NALF1: variants seen among roughly 807,000 people sequenced by gnomAD.
NALF1 encodes the protein family with sequence similarity 155 member A.
A neutral mutation model predicts 48.4 loss-of-function variants in NALF1; 3 were observed. That is an observed-to-expected ratio of 0.06 (90% CI 0.03 to 0.16). The LOEUF (loss-of-function observed/expected upper bound fraction) is 0.16. Ranked by LOEUF, NALF1 falls within the 10% of genes least tolerant of loss-of-function variation. The pLI, the probability that NALF1 is intolerant of heterozygous loss-of-function variation, is 1.00. For missense variants in NALF1, 526 were observed against 571.5 expected (o/e 0.92, Z 0.81); for synonymous variants, 262 against 245.7 (o/e 1.07, Z -0.62).
At chr13:107,437,819 T>C (rs1884487239) in intron 1 of NALF1, among the ~76,000 whole-genome samples, 2 of 152,136 alleles carry the variant, frequency 1.3e-5, no homozygotes, top group Non-Finnish European at 2.9e-5. Context: ...TAACTTAAGA[T>C]TTGTGCACCA....
At chr13:107,550,387 G>T (rs969158407) in intron 1 of NALF1, among the ~76,000 whole-genome samples, 3 of 151,962 alleles carry the variant, frequency 2.0e-5, no homozygotes, top group Admixed American at 1.3e-4. Flanking sequence ...AAATATAAAT[G>T]AACAACTGAG....
At chr13:107,514,038 C>T (rs1875978400) in intron 1 of NALF1, among the ~76,000 whole-genome samples, 1 of 152,162 alleles carries the variant, frequency 6.6e-6, no homozygotes, top group African/African-American at 2.4e-5. Flanking sequence ...TCTCTCTTCC[C>T]ACAAGCAGCC....
intron 1 of NALF1, among the ~76,000 whole-genome samples, chr13:107,498,646 G>C (rs2139075845): frequency 6.6e-6 from 1 of 152,236 alleles, no homozygotes; most frequent in East Asian, 1.9e-4. Flanking sequence ...GGAATTCCTG[G>C]CAAATGAGAC....
intron 1 of NALF1, among the ~76,000 whole-genome samples, chr13:107,361,239 G>A (rs1427654342): frequency 6.6e-6 from 1 of 152,134 alleles, no homozygotes; most frequent in East Asian, 1.9e-4. Flanking sequence ...GAGGAACTGA[G>A]GAAATGACTA....
chr13:107,296,661 G>A (rs1057186668), intron 1 of NALF1, among the ~76,000 whole-genome samples: 1 of 152,084 alleles, frequency 6.6e-6, no homozygotes, highest in African/African-American at 2.4e-5. Context: ...CTGACACTTA[G>A]ACTTCACTCG....
At position 107,866,899 on chromosome 13, in the gene NALF1, GGAGAGAGA is replaced by G. The variant is rs35939139; in HGVS notation, c.-311_-304del. Among the ~76,000 whole-genome samples the G allele has an allele frequency of 2.7e-5, 4 of 149,822 alleles. No individual in the cohort carries two copies. Among genetic ancestry groups the G allele is most frequent in the Admixed American group, 6.6e-5 (1 of 15,074 alleles). On this transcript the variant is annotated 5_prime_UTR_variant, in exon 1 of 3. Coordinates refer to ENST00000375915, the MANE Select transcript of NALF1 (RefSeq NM_001080396.3). This position sits in a 1 kb window ranked among gnomAD's most constrained non-coding sequence, Gnocchi z 4.4. ...CCTCTGTAGAGTGGGAAACAATAAT[GGAGAGAGA>G]GAGAGAGAGAGAGACGGAGGAGGCT...
At chr13:107,258,139 A>G (rs895632202) in intron 1 of NALF1, among the ~76,000 whole-genome samples, 3 of 152,214 alleles carry the variant, frequency 2.0e-5, no homozygotes, top group Non-Finnish European at 4.4e-5. Context: ...TAATGGCAAA[A>G]GACCGCAAAG....
intron 1 of NALF1, among the ~76,000 whole-genome samples, chr13:107,453,773 C>T (rs1255650707): frequency 3.3e-5 from 5 of 152,342 alleles, no homozygotes; most frequent in Admixed American, 6.5e-5. Context: ...TTCTGCTCCC[C>T]TGTTAAACAT....
chr13:107,733,000 T>C (rs757582747), intron 1 of NALF1, among the ~76,000 whole-genome samples: 1 of 152,162 alleles, frequency 6.6e-6, no homozygotes, highest in African/African-American at 2.4e-5. Flanking sequence ...GGTAAACATA[T>C]TGTGCTAATT....
intron 1 of NALF1, among the ~76,000 whole-genome samples, chr13:107,287,706 C>CTTTTTTTTTTTT: frequency 7.8e-6 from 1 of 127,906 alleles, no homozygotes; most frequent in Non-Finnish European, 1.6e-5. Flanking sequence ...TCTTTTCTTT[C>CTTTTTTTTTTTT]TTTTTTTTTT....
intron 1 of NALF1, among the ~76,000 whole-genome samples, chr13:107,580,667 T>C (rs1021678399): frequency 6.6e-6 from 1 of 152,244 alleles, no homozygotes; most frequent in East Asian, 1.9e-4. Flanking sequence ...CTTTATTTCT[T>C]GGGCCTGGCA....
intron 1 of NALF1, among the ~76,000 whole-genome samples, chr13:107,333,029 A>G (rs537307724): frequency 6.6e-6 from 1 of 152,100 alleles, no homozygotes; most frequent in East Asian, 1.9e-4. Flanking sequence ...TATTTTTAGT[A>G]GAGACGGGGT....
intron 1 of NALF1, among the ~76,000 whole-genome samples, chr13:107,388,553 C>A (rs1234574697): frequency 7.2e-5 from 11 of 152,140 alleles, no homozygotes; most frequent in African/African-American, 2.7e-4. Context: ...GACCTCAGTG[C>A]CACACAAGAC....
intron 1 of NALF1, among the ~76,000 whole-genome samples, chr13:107,521,393 C>G (rs746134866): frequency 1.3e-5 from 2 of 152,068 alleles, no homozygotes; most frequent in Non-Finnish European, 2.9e-5. Flanking sequence ...AATAGAAAAC[C>G]TATATAGTTT....
At chr13:107,479,108 A>C (rs941858883) in intron 1 of NALF1, among the ~76,000 whole-genome samples, 2 of 152,142 alleles carry the variant, frequency 1.3e-5, no homozygotes, top group East Asian at 1.9e-4. Flanking sequence ...CTTCCTTAGA[A>C]GATGCCCTTA....
intron 1 of NALF1, among the ~76,000 whole-genome samples, chr13:107,702,748 C>T (rs1594215515): frequency 6.6e-6 from 1 of 152,056 alleles, no homozygotes; most frequent in African/African-American, 2.4e-5. Context: ...CCCATGTGTC[C>T]CTGTGTTCTC....
chr13:107,657,268 TAGAGAG>T (rs1381042397), intron 1 of NALF1, among the ~76,000 whole-genome samples: 1 of 151,858 alleles, frequency 6.6e-6, no homozygotes, highest in African/African-American at 2.4e-5. Flanking sequence ...TGTGTGTATA[TAGAGAG>T]AGAGAGAGTG....
chr13:107,573,663 C>T (rs1321518877), intron 1 of NALF1, among the ~76,000 whole-genome samples: 1 of 150,482 alleles, frequency 6.6e-6, no homozygotes, highest in Non-Finnish European at 1.5e-5. Context: ...AATTGTAGCT[C>T]CCACGATTCC....
chr13:107,806,625 G>A (rs1235594255), intron 1 of NALF1, among the ~76,000 whole-genome samples: 2 of 152,164 alleles, frequency 1.3e-5, no homozygotes, highest in South Asian at 2.1e-4. Flanking sequence ...AAGTTGATGA[G>A]AAAAGTTGAA....
Sources: allele counts gnomAD v4.1 joint callset (sites outside exome capture counted in the v4.1 genomes callset), GRCh38; gene constraint gnomAD v4.1.1; non-coding constraint Gnocchi (gnomAD v3.1); transcripts MANE v1.5; gene names NCBI Gene and HGNC (gene_info 2026-07-23, HGNC 2026-07-21).